ZFAT: variants seen among roughly 807,000 people sequenced by gnomAD.
ZFAT encodes the protein zinc finger and AT-hook domain containing, also known as zinc finger protein ZFAT.
Under a neutral mutation model 117.7 loss-of-function variants are expected in ZFAT, and 64 were observed. That is an observed-to-expected ratio of 0.54 (90% confidence interval 0.44 to 0.67). The LOEUF (loss-of-function observed/expected upper bound fraction) is 0.67, where lower values mean the gene tolerates loss of function less well. ZFAT is among the 30% of genes least tolerant of loss of function. ZFAT has a pLI of 0.00. For synonymous variants in ZFAT, 679 were observed against 615.0 expected, an observed-to-expected ratio of 1.10 and a Z score of -1.54; for missense variants, 1,433 against 1,584.5, an observed-to-expected ratio of 0.90 and a Z score of 1.62.
the ZFAT span, among the ~76,000 whole-genome samples, chr8:134,719,515 G>A: frequency 6.6e-6 from 1 of 152,160 alleles, no homozygotes; most frequent in Non-Finnish European, 1.5e-5. Flanking sequence ...CCGCCAGCTC[G>A]CTGCAGAACT....
the ZFAT span, among the ~76,000 whole-genome samples, chr8:134,739,287 ATGTGTG>A: frequency 0.49 from 74,112 of 150,186 alleles, 18,084 homozygotes; most frequent in Admixed American, 0.52. Context: ...GTGTGTAGAG[ATGTGTG>A]TGTGTGTGTG....
At chr8:134,785,398 C>A in the ZFAT span, 14 of 152,080 alleles carry the variant, frequency 9.2e-5, no homozygotes, top group Admixed American at 5.9e-4. Flanking sequence ...TCTTTTTCTT[C>A]ATGGTTCCCA....
chr8:134,623,562 A>G (rs531572012), intron 3 of ZFAT, among the ~76,000 whole-genome samples: 28 of 152,268 alleles, frequency 1.8e-4, no homozygotes, highest in African/African-American at 6.5e-4. Context: ...GTCCCCAGCC[A>G]AAACCAAGGC....
At chr8:134,661,314 C>G (rs1020436911) in intron 1 of ZFAT, among the ~76,000 whole-genome samples, 1 of 152,186 alleles carries the variant, frequency 6.6e-6, no homozygotes, top group East Asian at 1.9e-4. Context: ...GACAGAGATC[C>G]CCAGCACAGT....
chr8:134,558,046 G>GT (rs1823780859), intron 11 of ZFAT, among the ~76,000 whole-genome samples: 1 of 152,238 alleles, frequency 6.6e-6, no homozygotes, highest in South Asian at 2.1e-4. Flanking sequence ...AGGATCCTCG[G>GT]TTGGGCTCTA....
chr8:134,706,909 C>G (rs1834167535), intron 1 of ZFAT, among the ~76,000 whole-genome samples: 1 of 151,896 alleles, frequency 6.6e-6, no homozygotes, highest in African/African-American at 2.4e-5. Context: ...AAGAAAAAAC[C>G]TGTCTCCTGG....
the ZFAT span, among the ~76,000 whole-genome samples, chr8:134,809,703 G>A: frequency 6.6e-6 from 1 of 152,120 alleles, no homozygotes; most frequent in African/African-American, 2.4e-5. Context: ...TTATCATGTC[G>A]GTAAACTGTC....
chr8:134,679,935 TG>T (rs1563757125), intron 1 of ZFAT, among the ~76,000 whole-genome samples: 1 of 14,572 alleles, frequency 6.9e-5, no homozygotes, highest in Non-Finnish European at 1.4e-4. Context: ...CTGGGGCCTG[TG>T]GGGGGTTGGG....
chr8:134,648,362 G>A (rs1831021314), intron 2 of ZFAT, among the ~76,000 whole-genome samples: 1 of 151,314 alleles, frequency 6.6e-6, no homozygotes. Flanking sequence ...AAAGAAAAGA[G>A]AAAATCAACA....
At chr8:134,594,481 T>G (rs1331869763) in intron 7 of ZFAT, among the ~76,000 whole-genome samples, 1 of 152,242 alleles carries the variant, frequency 6.6e-6, no homozygotes, top group Non-Finnish European at 1.5e-5. Context: ...TGTACCTTGA[T>G]AGCCAAAGAA....
chr8:134,499,740 G>A (rs968579829), intron 15 of ZFAT, among the ~76,000 whole-genome samples: 29 of 152,246 alleles, frequency 1.9e-4, no homozygotes, highest in African/African-American at 4.8e-4. Context: ...TGCTGGCCGG[G>A]GGACTACGTT....
rs751655903 is a variant in ZFAT at position 134,602,261 on chromosome 8, C to A, written c.1458G>T (p.Glu486Asp). Residue 486 changes from glutamate to aspartate, a missense_variant, in exon 6 of 16, where the codon GAG becomes GAT. This residue lies in a region of ZFAT where 372 missense variants were observed against 355.6 expected (regional missense o/e 1.05). Coordinates refer to ENST00000377838, the MANE Select transcript of ZFAT (RefSeq NM_020863.4). The part of the protein sequence containing the change: ...HIKEVHGAAQ[E>D]ALVFTSSINQ... ...TGATGGAACTGGTGAAGACCAAGGC[C>A]TCCTGGGCAGCCCCGTGCACCTCTT... is the stretch of plus-strand genomic sequence containing the variant. The A allele has an allele frequency of 6.2e-6, 10 of 1,613,866 alleles. No individual in the cohort carries two copies. Among genetic ancestry groups the A allele is most frequent in the Middle Eastern group, 3.3e-4 (2 of 6,062 alleles).
chr8:134,813,853 C>A, the ZFAT span, among the ~76,000 whole-genome samples: 1 of 150,986 alleles, frequency 6.6e-6, no homozygotes, highest in Admixed American at 6.6e-5. Context: ...AAAGATACTT[C>A]TTTATAGATT....
At chr8:134,655,673 T>C (rs1009896046) in intron 2 of ZFAT, among the ~76,000 whole-genome samples, 1 of 152,026 alleles carries the variant, frequency 6.6e-6, no homozygotes, top group Non-Finnish European at 1.5e-5. Context: ...AAAATAAAAA[T>C]TAAAATTTCT....
At chr8:134,526,219 A>G (rs959183634) in intron 12 of ZFAT, among the ~76,000 whole-genome samples, 3 of 152,236 alleles carry the variant, frequency 2.0e-5, no homozygotes, top group Non-Finnish European at 2.9e-5. Context: ...TTCTTATATT[A>G]TATTTAAATT....
chr8:134,653,948 A>T (rs916720020), intron 2 of ZFAT, among the ~76,000 whole-genome samples: 2 of 152,162 alleles, frequency 1.3e-5, no homozygotes, highest in Non-Finnish European at 2.9e-5. Context: ...GAACTTGGAG[A>T]GCAGTTAGAA....
the ZFAT span, among the ~76,000 whole-genome samples, chr8:134,824,558 A>G: frequency 3.3e-5 from 5 of 152,220 alleles, no homozygotes; most frequent in African/African-American, 9.6e-5. Context: ...ACTCTCAGCA[A>G]GAGTTTCAAA....
chr8:134,694,844 A>C (rs986773600), intron 1 of ZFAT, among the ~76,000 whole-genome samples: 1 of 152,248 alleles, frequency 6.6e-6, no homozygotes, highest in Non-Finnish European at 1.5e-5. Context: ...ATTAAATAGA[A>C]AAAGCAATCA....
chr8:134,720,462 C>G, the ZFAT span, among the ~76,000 whole-genome samples: 1 of 152,212 alleles, frequency 6.6e-6, no homozygotes. Flanking sequence ...ATAAACAGAC[C>G]TTTGGCTGGA....
Sources: gnomAD v4.1 joint callset for allele counts (sites outside exome capture counted in the v4.1 genomes callset) on GRCh38, gnomAD v4.1.1 for gene constraint, gnomAD v4.1.1 regional missense constraint, MANE v1.5 for transcripts, NCBI Gene and HGNC (gene_info 2026-07-23, HGNC 2026-07-21) for gene names.